Variants in RANGAP1 observed in about 807,000 individuals in gnomAD.
RANGAP1 encodes ran GTPase-activating protein 1.
Under a neutral mutation model 63.5 loss-of-function variants are expected in RANGAP1, and 38 were observed. The ratio of observed to expected loss-of-function variants is 0.60; its 90% CI spans 0.46 to 0.78. The LOEUF (loss-of-function observed/expected upper bound fraction) is 0.78, where lower values mean the gene tolerates loss of function less well. Ranked by LOEUF, RANGAP1 falls within the 30% of genes least tolerant of loss-of-function variation. The probability of loss-of-function intolerance (pLI) is 0.00; values close to 1 mark genes in which losing one functional copy is unlikely to be tolerated. For missense variants in RANGAP1, 630 were observed against 740.3 expected (o/e 0.85, Z 1.73); for synonymous variants, 329 against 310.5 (o/e 1.06, Z -0.63).
At chr22:41,294,704 A>G in the RANGAP1 span, among the ~76,000 whole-genome samples, 6 of 105,012 alleles carry the variant, frequency 5.7e-5, no homozygotes, top group African/African-American at 7.5e-5. Flanking sequence ...CTGCCCTGCC[A>G]CCCCGTCCGG....
chr22:41,268,064 C>T (rs1387178022), intron 4 of RANGAP1, 33 bp downstream of exon 4: 23 of 1,497,818 alleles, frequency 1.5e-5, no homozygotes, highest in East Asian at 2.4e-5. Flanking sequence ...GAGGGCCTTG[C>T]GCGTGGAGGG....
chr22:41,294,770 G>A, the RANGAP1 span, among the ~76,000 whole-genome samples: 11 of 133,268 alleles, frequency 8.3e-5, no homozygotes, highest in South Asian at 5.1e-4. Context: ...GAGCCCCTCC[G>A]CCCGGCAGCC....
In RANGAP1 at chr22:41,274,710, CTT is replaced by C; in HGVS notation, c.128_129del (p.Lys43ArgfsTer3). The C allele has an allele frequency of 6.2e-7, 1 of 1,614,148 alleles. No homozygotes were observed. Among genetic ancestry groups the C allele is most frequent in the Non-Finnish European group, 8.5e-7 (1 of 1,180,010 alleles). ...TCCAAGCTGTCAAAGTCTTCAATCTCTTTAATCACATCTTTAGCTGCCAGGGA... is the reference window on the plus strand; with the variant it reads ...TCCAAGCTGTCAAAGTCTTCAATCTCTAATCACATCTTTAGCTGCCAGGGA... ...NTAEDAKDVI[K>X]EIEDFDSLEA... is the part of the protein sequence containing the mutation. On this transcript the variant is annotated frameshift_variant, in exon 3 of 16. Coordinates refer to ENST00000356244, the MANE Select transcript of RANGAP1 (RefSeq NM_002883.4). LOFTEE classifies it high-confidence loss of function.
chr22:41,281,675 T>C (rs2035498559), intron 1 of RANGAP1: 4 of 979,022 alleles, frequency 4.1e-6, no homozygotes, highest in Non-Finnish European at 4.9e-6. Flanking sequence ...GGTTTCTAGA[T>C]CAGAGATCGC....
At chr22:41,298,033 T>A in the RANGAP1 span, among the ~76,000 whole-genome samples, 1 of 152,054 alleles carries the variant, frequency 6.6e-6, no homozygotes, top group Non-Finnish European at 1.5e-5. Context: ...GATATTTGTA[T>A]TTTTAGTAGA....
At chr22:41,282,630 A>C (rs1219940914) in intron 1 of RANGAP1, 1 of 152,158 alleles carries the variant, frequency 6.6e-6, no homozygotes, top group Non-Finnish European at 1.5e-5. Flanking sequence ...CCAATAAATG[A>C]AAATTTTTAA....
At chr22:41,288,833 G>A (rs1372260455), upstream of RANGAP1, among the ~76,000 whole-genome samples, 2 of 151,832 alleles carry the variant, frequency 1.3e-5, no homozygotes, top group African/African-American at 4.8e-5. Context: ...TGTTCTGCCT[G>A]AAGGTGTTCA....
At chr22:41,295,006 A>G in the RANGAP1 span, among the ~76,000 whole-genome samples, 3 of 73,364 alleles carry the variant, frequency 4.1e-5, no homozygotes, top group Non-Finnish European at 8.5e-5. Flanking sequence ...CCGGCCAGCC[A>G]ACCCGTCCAG....
At chr22:41,294,175 C>G in the RANGAP1 span, among the ~76,000 whole-genome samples, 8 of 152,240 alleles carry the variant, frequency 5.3e-5, no homozygotes, top group Non-Finnish European at 7.3e-5. Context: ...CCTCAGCCTG[C>G]CGAGTGCCTG....
intron 15 of RANGAP1, 97 bp downstream of exon 15, chr22:41,249,233 T>TGGGCTG: frequency 1.4e-6 from 2 of 1,453,980 alleles, no homozygotes; most frequent in Non-Finnish European, 1.8e-6. Flanking sequence ...GCAGGCTGGC[T>TGGGCTG]GGGCTGGGGC....
intron 2 of RANGAP1, among the ~76,000 whole-genome samples, chr22:41,279,996 G>A (rs2035401193): frequency 6.6e-6 from 1 of 152,222 alleles, no homozygotes; most frequent in African/African-American, 2.4e-5. Flanking sequence ...TACTCAGGAG[G>A]CTGAGGCAGG....
chr22:41,270,223 C>G (rs1021775467), intron 3 of RANGAP1, among the ~76,000 whole-genome samples: 2 of 152,110 alleles, frequency 1.3e-5, no homozygotes, highest in Non-Finnish European at 2.9e-5. Flanking sequence ...TCCCTGCAAC[C>G]TCCACCTCCC....
chr22:41,253,844 A>G (rs1205478739), intron 11 of RANGAP1, among the ~76,000 whole-genome samples: 1 of 152,168 alleles, frequency 6.6e-6, no homozygotes, highest in Non-Finnish European at 1.5e-5. Flanking sequence ...CGGTGGCTCA[A>G]TGCCTGTAAT....
At chr22:41,280,692 T>G in intron 2 of RANGAP1, 1 of 1,454,144 alleles carries the variant, frequency 6.9e-7, no homozygotes, top group Non-Finnish European at 9.1e-7. Context: ...CATCCCCTCC[T>G]GAGAAAGAAA....
intron 11 of RANGAP1, 81 bp from the exon 12 acceptor site, chr22:41,253,072 G>A: frequency 7.7e-7 from 1 of 1,299,782 alleles, no homozygotes; most frequent in Non-Finnish European, 9.9e-7. Flanking sequence ...CCCACACCCA[G>A]CACATCCACC....
At chr22:41,259,299 G>A (rs923067502) in intron 6 of RANGAP1, among the ~76,000 whole-genome samples, 6 of 152,066 alleles carry the variant, frequency 3.9e-5, no homozygotes, top group African/African-American at 1.2e-4. Flanking sequence ...TGGGGGGAGC[G>A]GGTGGTCCAC....
the RANGAP1 span, among the ~76,000 whole-genome samples, chr22:41,297,954 G>A: frequency 6.6e-6 from 1 of 151,936 alleles, no homozygotes; most frequent in African/African-American, 2.4e-5. Flanking sequence ...CCGCCTCCTG[G>A]GTTCAAGCGT....
In RANGAP1 at chr22:41,246,333, A is replaced by G. The variant is rs1001991195; in HGVS notation, c.*270T>C. 3 of 345,486 alleles carry G rather than the reference A, an allele frequency of 8.7e-6. No individual in the cohort carries two copies. Among genetic ancestry groups the G allele is most frequent in the Non-Finnish European group, 1.6e-5 (3 of 185,604 alleles). 21.4% of individuals were successfully genotyped at this position (345,486 alleles called of 1,614,324 possible). Reference sequence around the variant, plus strand: ...TGAGTTTAATGGCGGAGCAGCTCACAGCCCTTTCCCCTGGGGGCCAACTCC... The same window carrying G: ...TGAGTTTAATGGCGGAGCAGCTCACGGCCCTTTCCCCTGGGGGCCAACTCC... On this transcript the variant is annotated 3_prime_UTR_variant, in exon 16 of 16. Coordinates refer to ENST00000356244, the MANE Select transcript of RANGAP1 (RefSeq NM_002883.4).
intron 3 of RANGAP1, among the ~76,000 whole-genome samples, chr22:41,273,712 A>G (rs2034965598): frequency 7.2e-6 from 1 of 139,662 alleles, no homozygotes; most frequent in Non-Finnish European, 1.5e-5. Flanking sequence ...GGTTGCAGCA[A>G]GCCAAGATCG....
Sources: allele counts gnomAD v4.1 joint callset (sites outside exome capture counted in the v4.1 genomes callset), GRCh38; gene constraint gnomAD v4.1.1; transcripts MANE v1.5; gene names NCBI Gene and HGNC (gene_info 2026-07-23, HGNC 2026-07-21).